CFAP20DC: variants seen among roughly 807,000 people sequenced by gnomAD.
CFAP20DC encodes the protein CFAP20 domain containing.
A neutral mutation model predicts 101.7 loss-of-function variants in CFAP20DC; 84 were observed. That is an observed-to-expected ratio of 0.83 (90% CI 0.69 to 0.99). The LOEUF (loss-of-function observed/expected upper bound fraction) is 0.99, where lower values mean the gene tolerates loss of function less well. Among genes scored for constraint, CFAP20DC ranks in the 50% least tolerant of loss-of-function variants. The pLI, the probability that CFAP20DC is intolerant of heterozygous loss-of-function variation, is 0.00. For synonymous variants in CFAP20DC, 359 were observed against 351.2 expected, an observed-to-expected ratio of 1.02 and a Z score of -0.25; for missense variants, 1,007 against 970.3, an observed-to-expected ratio of 1.04 and a Z score of -0.50.
intron 4 of CFAP20DC, among the ~76,000 whole-genome samples, chr3:58,986,512 G>C (rs2092756937): frequency 6.6e-6 from 1 of 152,040 alleles, no homozygotes; most frequent in Non-Finnish European, 1.5e-5. Flanking sequence ...CTTCTGTATG[G>C]AAAATCAAAA....
chr3:58,815,994 G>T (rs1022575183), intron 14 of CFAP20DC, among the ~76,000 whole-genome samples: 2 of 151,752 alleles, frequency 1.3e-5, no homozygotes, highest in Non-Finnish European at 1.5e-5. Context: ...ATTTGACCCA[G>T]CCATCCCATT....
chr3:58,887,755 T>G (rs552407211), intron 6 of CFAP20DC, among the ~76,000 whole-genome samples: 2 of 152,326 alleles, frequency 1.3e-5, no homozygotes, highest in South Asian at 2.1e-4. Context: ...CCTTTGCACC[T>G]AGAACTGTTT....
intron 12 of CFAP20DC, among the ~76,000 whole-genome samples, chr3:58,855,840 T>C (rs1394921193): frequency 1.9e-5 from 1 of 53,388 alleles, no homozygotes; most frequent in Non-Finnish European, 3.3e-5. Flanking sequence ...TATTGTGGGG[T>C]GGGGGGAGGG....
rs1388413164 is a variant in CFAP20DC at position 59,006,637 on chromosome 3, AG to A, written c.278+32919del. Among the ~76,000 whole-genome samples the A allele has an allele frequency of 6.6e-6, 1 of 152,334 alleles. No individual in the cohort carries two copies. On this transcript the variant is annotated intron_variant, in intron 4 of 16. Coordinates refer to ENST00000482387, the MANE Select transcript of CFAP20DC (RefSeq NM_001394063.1). This position sits in a 1 kb window ranked among gnomAD's most constrained non-coding sequence, Gnocchi z 4.3. ...GAAATATAAAAGTAGAAGCAGTGGCAGGAAGAGCCTCGTAGGCAGTCCCATT... is the reference window on the plus strand; with the variant it reads ...GAAATATAAAAGTAGAAGCAGTGGCAGAAGAGCCTCGTAGGCAGTCCCATT...
Position 58,867,817 on chromosome 3 carries a change from C to T in CFAP20DC, c.1135G>A (p.Gly379Ser), listed in dbSNP as rs1399247948. 3.1e-6 allele frequency: 5 copies of T among 1,613,268 alleles called. No individual in the cohort carries two copies. Among genetic ancestry groups the T allele is most frequent in the East Asian group, 2.2e-5 (1 of 44,834 alleles). The stretch of plus-strand genomic sequence containing the variant: ...AGATAGGATTGAAATAGTGCCATAC[C>T]GCTGGGTGTCTCTGTCCTTTCTCTG... The part of the protein sequence containing the change: ...TSRERTETPS[G>S]SSSGNNRIED... The change falls in exon 10 of 17, where the codon GGT becomes AGT. Residue 379 changes from glycine to serine, a missense_variant and splice_region_variant. By Grantham distance (56) the Gly-to-Ser change is moderately conservative (BLOSUM62 0). Coordinates refer to ENST00000482387, the MANE Select transcript of CFAP20DC (RefSeq NM_001394063.1).
At chr3:58,925,856 C>T (rs2107600363) in intron 5 of CFAP20DC, among the ~76,000 whole-genome samples, 1 of 152,282 alleles carries the variant, frequency 6.6e-6, no homozygotes, top group East Asian at 1.9e-4. Context: ...TTAATCTTAA[C>T]AGCATTCTGC....
At chr3:58,802,544 A>C (rs2073786147) in intron 15 of CFAP20DC, among the ~76,000 whole-genome samples, 1 of 152,220 alleles carries the variant, frequency 6.6e-6, no homozygotes, top group South Asian at 2.1e-4. Context: ...ATAATGGAAA[A>C]TACCACCCCA....
At chr3:58,772,140 T>A (rs2070906703) in intron 15 of CFAP20DC, among the ~76,000 whole-genome samples, 1 of 152,180 alleles carries the variant, frequency 6.6e-6, no homozygotes, top group Non-Finnish European at 1.5e-5. Flanking sequence ...AGAGCGAGGA[T>A]CTTAAGTGAT....
intron 7 of CFAP20DC, among the ~76,000 whole-genome samples, chr3:58,876,823 A>C (rs2080792999): frequency 6.6e-6 from 1 of 152,196 alleles, no homozygotes; most frequent in African/African-American, 2.4e-5. Flanking sequence ...TCTAACAATC[A>C]AATTAGAATT....
At chr3:58,755,447 G>A (rs984248330) in intron 15 of CFAP20DC, among the ~76,000 whole-genome samples, 23 of 152,020 alleles carry the variant, frequency 1.5e-4, no homozygotes, top group Admixed American at 9.8e-4. Context: ...ACTCAATAAG[G>A]GTGATGAAGA....
At chr3:58,807,592 G>C (rs1013968171) in intron 14 of CFAP20DC, among the ~76,000 whole-genome samples, 1 of 152,122 alleles carries the variant, frequency 6.6e-6, no homozygotes, top group Non-Finnish European at 1.5e-5. Context: ...AAGACCAAAA[G>C]TAGATAAAAC....
rs1384207417 is a variant in CFAP20DC, at chr3:58,946,210, A to C, written c.279-8448T>G. ...CGGCTCACTGCAACCTCTGCCTCCC[A>C]GGTTCAAGCGATTCTCGTGTCTCAG... On this transcript the variant is annotated intron_variant, in intron 4 of 16. Transcript: ENST00000482387. 3.5e-5 allele frequency among the ~76,000 whole-genome samples: 5 copies of C among 142,988 alleles called. No homozygotes were observed. In the Admixed American group the frequency reaches 3.7e-4, roughly 11 times the overall value. 93.8% of individuals were successfully genotyped at this position (142,988 alleles called of 152,430 possible).
intron 4 of CFAP20DC, among the ~76,000 whole-genome samples, chr3:59,035,559 A>G (rs1315821362): frequency 6.6e-6 from 1 of 152,196 alleles, no homozygotes; most frequent in African/African-American, 2.4e-5. Flanking sequence ...AGAATACTAT[A>G]AACACTTCTA....
chr3:58,790,431 A>T (rs1406349417), intron 15 of CFAP20DC, among the ~76,000 whole-genome samples: 1 of 152,198 alleles, frequency 6.6e-6, no homozygotes, highest in Non-Finnish European at 1.5e-5. Flanking sequence ...CTCGCCCAAA[A>T]GTTGCCATTT....
At chr3:58,798,674 G>T (rs2073435933) in intron 15 of CFAP20DC, among the ~76,000 whole-genome samples, 1 of 152,202 alleles carries the variant, frequency 6.6e-6, no homozygotes, top group South Asian at 2.1e-4. Context: ...ATGCCACAGA[G>T]GAGTCTTTCA....
intron 6 of CFAP20DC, among the ~76,000 whole-genome samples, chr3:58,900,750 G>A (rs1318074504): frequency 6.6e-6 from 1 of 152,180 alleles, no homozygotes; most frequent in African/African-American, 2.4e-5. Flanking sequence ...TGATGTCTTT[G>A]CTCCCAATAT....
At chr3:58,836,757 T>G (rs972677000) in intron 13 of CFAP20DC, among the ~76,000 whole-genome samples, 1 of 152,062 alleles carries the variant, frequency 6.6e-6, no homozygotes, top group African/African-American at 2.4e-5. Context: ...TCTCCACCTC[T>G]GTATTTAAAA....
At chr3:58,936,317 CT>C (rs2107756874) in intron 5 of CFAP20DC, among the ~76,000 whole-genome samples, 1 of 152,248 alleles carries the variant, frequency 6.6e-6, no homozygotes, top group African/African-American at 2.4e-5. Flanking sequence ...CAATTTTACA[CT>C]GTTGCTGGGA....
At position 58,795,978 on chromosome 3, in the gene CFAP20DC, C is replaced by T. The variant is rs553590502; in HGVS notation, c.2237+10417G>A. ...TGGGGTTAGCTGATGCTCAGGCAGG[C>T]GGGTCCAGACACGAACATGGAGAGA... On this transcript the variant is annotated intron_variant, in intron 15 of 16. Transcript: ENST00000482387. The surrounding 1 kb of genome is among the most constrained non-coding windows in gnomAD (Gnocchi z 4.2). Among the ~76,000 whole-genome samples the T allele has an allele frequency of 9.2e-5, 14 of 152,154 alleles. No individual in the cohort carries two copies. The East Asian group carries it at 2.3e-3, about 25-fold the overall frequency.
Sources: allele counts gnomAD v4.1 joint callset (sites outside exome capture counted in the v4.1 genomes callset), GRCh38; gene constraint gnomAD v4.1.1; non-coding constraint Gnocchi (gnomAD v3.1); transcripts MANE v1.5; gene names NCBI Gene and HGNC (gene_info 2026-07-23, HGNC 2026-07-21).